CADM1: variants seen among roughly 807,000 people sequenced by gnomAD.
CADM1 encodes cell adhesion molecule 1.
A neutral mutation model predicts 53.1 loss-of-function variants in CADM1; 15 were observed. The ratio of observed to expected loss-of-function variants is 0.28; its 90% CI spans 0.19 to 0.44. CADM1 has a LOEUF of 0.44. Among genes scored for constraint, CADM1 ranks in the 20% least tolerant of loss-of-function variants. The pLI, the probability that CADM1 is intolerant of heterozygous loss-of-function variation, is 1.00. For missense variants in CADM1, 434 were observed against 611.3 expected (o/e 0.71, Z 3.06); for synonymous variants, 281 against 243.0 (o/e 1.16, Z -1.45).
chr11:115,452,743 CTG>C (rs1450604435), intron 1 of CADM1, among the ~76,000 whole-genome samples: 4 of 152,166 alleles, frequency 2.6e-5, no homozygotes, highest in African/African-American at 9.7e-5. Context: ...TCTCTAGGCT[CTG>C]TGCATATGTA....
chr11:115,207,776 C>A (rs1591604676), intron 8 of CADM1, among the ~76,000 whole-genome samples: 2 of 152,222 alleles, frequency 1.3e-5, no homozygotes, highest in Middle Eastern at 6.8e-3. Context: ...CATACCTGGG[C>A]AAGTTCTGCG....
At position 115,170,037 on chromosome 11, in the gene CADM1, C is replaced by T. The variant is rs980924075; in HGVS notation, c.*6437G>A. On this transcript the variant is annotated 3_prime_UTR_variant, in exon 12 of 12. Coordinates refer to ENST00000331581, the MANE Select transcript of CADM1 (RefSeq NM_001301043.2). ...GATAAACAGTATTAGAAGATGCAAT[C>T]GTAACATTGCTGACTTCAGGATGGA... 8 of 164,306 alleles carry T rather than the reference C, an allele frequency of 4.9e-5. No individual in the cohort carries two copies. The highest frequency in any genetic ancestry group is 1.6e-4 in the South Asian group (1 of 6,176). 10.2% of individuals were successfully genotyped at this position (164,306 alleles called of 1,614,324 possible). A position where few individuals can be genotyped will look rare whatever the true frequency, so the allele number is the denominator to read the frequency against.
rs1419498946 is a variant in CADM1 at position 115,494,364 on chromosome 11, C to T, written c.124+9907G>A. Reference sequence around the variant, plus strand: ...AATTTTAAAGTCATTTTTAAATGCTCATTTTTCTACCAAATGTCTTATGGG... The same window carrying T: ...AATTTTAAAGTCATTTTTAAATGCTTATTTTTCTACCAAATGTCTTATGGG... On this transcript the variant is annotated intron_variant, in intron 1 of 11. Coordinates refer to ENST00000331581, the MANE Select transcript of CADM1 (RefSeq NM_001301043.2). Among the ~76,000 whole-genome samples, 3 of 152,144 alleles carry T rather than the reference C, an allele frequency of 2.0e-5. No individual in the cohort carries two copies. In the East Asian group the frequency reaches 5.8e-4, roughly 29 times the overall value.
intron 1 of CADM1, among the ~76,000 whole-genome samples, chr11:115,254,273 G>A (rs750392559): frequency 1.3e-4 from 20 of 151,960 alleles, no homozygotes; most frequent in Non-Finnish European, 2.8e-4. Flanking sequence ...GGTGCTAGGC[G>A]CTCTCACTTT....
At chr11:115,341,110 T>G (rs1334420629) in intron 1 of CADM1, among the ~76,000 whole-genome samples, 1 of 152,182 alleles carries the variant, frequency 6.6e-6, no homozygotes, top group African/African-American at 2.4e-5. Flanking sequence ...CTAGCTCAAA[T>G]AGAAAATGTT....
At chr11:115,480,048 A>C (rs769476349) in intron 1 of CADM1, among the ~76,000 whole-genome samples, 19 of 152,346 alleles carry the variant, frequency 1.2e-4, no homozygotes, top group Middle Eastern at 3.4e-3. Flanking sequence ...AAAATTATAA[A>C]GTTTGTAAGA....
chr11:115,254,545 GACAAACAC>G (rs982566427), intron 1 of CADM1, among the ~76,000 whole-genome samples: 1 of 129,750 alleles, frequency 7.7e-6, no homozygotes, highest in South Asian at 2.5e-4. Flanking sequence ...GCGCAAGGGA[GACAAACAC>G]ACACACACAC....
intron 1 of CADM1, among the ~76,000 whole-genome samples, chr11:115,403,345 T>C (rs931367622): frequency 2.0e-5 from 3 of 152,182 alleles, no homozygotes; most frequent in Non-Finnish European, 4.4e-5. Context: ...GTCAATGCAA[T>C]GTGTAATCCT....
chr11:115,367,366 T>G (rs1056086462), intron 1 of CADM1, among the ~76,000 whole-genome samples: 1 of 152,222 alleles, frequency 6.6e-6, no homozygotes, highest in African/African-American at 2.4e-5. Flanking sequence ...AATGCCCACA[T>G]GGAATTAGTT....
rs577922275 is a variant in CADM1, at chr11:115,181,598, G to T, written c.1166-2823C>A. ...ATTTACAGGGAACACTGCCGGTTAC[G>T]AGCGCCTCACCGCCTCTTCCCACCC... On this transcript the variant is annotated intron_variant, in intron 10 of 11. Transcript: ENST00000331581. 6.6e-5 allele frequency among the ~76,000 whole-genome samples: 10 copies of T among 152,228 alleles called. No individual in the cohort carries two copies. In the South Asian group the frequency reaches 2.1e-3, roughly 32 times the overall value.
intron 9 of CADM1, among the ~76,000 whole-genome samples, chr11:115,195,651 C>A (rs1224202764): frequency 6.6e-6 from 1 of 152,198 alleles, no homozygotes; most frequent in African/African-American, 2.4e-5. Flanking sequence ...TTTTCAGCTA[C>A]AATTCATTAG....
intron 1 of CADM1, among the ~76,000 whole-genome samples, chr11:115,429,917 G>A (rs113462028): frequency 8.9e-4 from 136 of 152,196 alleles, no homozygotes; most frequent in Non-Finnish European, 1.6e-3. Context: ...CCTCTTGAAA[G>A]GATGAGTGTT....
At position 115,503,441 on chromosome 11, in the gene CADM1, C is replaced by T. The variant is rs553007475; in HGVS notation, c.124+830G>A. 2.0e-4 allele frequency among the ~76,000 whole-genome samples: 30 copies of T among 152,294 alleles called. No homozygotes were observed. In the South Asian group the frequency reaches 6.2e-3, roughly 32 times the overall value. On this transcript the variant is annotated intron_variant, in intron 1 of 11. Transcript: ENST00000331581. ...GCCGCGACGCCCCCTCCGCCACCCT[C>T]GGGCCGCCGAAAGAACGGGCAGCCG...
intron 1 of CADM1, among the ~76,000 whole-genome samples, chr11:115,350,129 G>A (rs1565380443): frequency 6.6e-6 from 1 of 152,084 alleles, no homozygotes; most frequent in Admixed American, 6.5e-5. Flanking sequence ...GTGCCACCAT[G>A]ACTGGCTAAC....
At chr11:115,332,314 G>A (rs1261206233) in intron 1 of CADM1, among the ~76,000 whole-genome samples, 1 of 152,174 alleles carries the variant, frequency 6.6e-6, no homozygotes, top group East Asian at 1.9e-4. Context: ...TTTCAAAGAG[G>A]AGACTAATAG....
At chr11:115,194,213 C>G (rs1197400590) in intron 9 of CADM1, 1 of 152,218 alleles carries the variant, frequency 6.6e-6, no homozygotes, top group African/African-American at 2.4e-5. Context: ...CATAGAGGCA[C>G]ATACACAGAT....
At chr11:115,492,362 T>G (rs1298767407) in intron 1 of CADM1, among the ~76,000 whole-genome samples, 3 of 152,084 alleles carry the variant, frequency 2.0e-5, no homozygotes, top group African/African-American at 7.2e-5. Flanking sequence ...ACAAAAAACA[T>G]AGGGAACGAA....
intron 1 of CADM1, among the ~76,000 whole-genome samples, chr11:115,312,233 T>C (rs1160046488): frequency 6.6e-6 from 1 of 152,184 alleles, no homozygotes; most frequent in African/African-American, 2.4e-5. Context: ...CCAATGCCGC[T>C]TTATTTAAAT....
intron 7 of CADM1, among the ~76,000 whole-genome samples, chr11:115,213,137 C>T (rs1047371389): frequency 3.3e-5 from 5 of 152,122 alleles, no homozygotes; most frequent in African/African-American, 1.2e-4. Flanking sequence ...GCCAGTAAAC[C>T]CGGGCAACAG....
Sources: gnomAD v4.1 joint callset for allele counts (sites outside exome capture counted in the v4.1 genomes callset) on GRCh38, gnomAD v4.1.1 for gene constraint, MANE v1.5 for transcripts, NCBI Gene and HGNC (gene_info 2026-07-23, HGNC 2026-07-21) for gene names.